HDC: variants seen among roughly 807,000 people sequenced by gnomAD.
The protein encoded by HDC is histidine decarboxylase.
In HDC, 27 loss-of-function variants were observed where a neutral mutation model predicts 64.4. The ratio of observed to expected loss-of-function variants is 0.42; its 90% CI spans 0.31 to 0.58. The LOEUF (loss-of-function observed/expected upper bound fraction) is 0.58. Among genes scored for constraint, HDC ranks in the 20% least tolerant of loss-of-function variants. The probability of loss-of-function intolerance (pLI) is 0.16; values close to 1 mark genes in which losing one functional copy is unlikely to be tolerated. For synonymous variants in HDC, 305 were observed against 314.2 expected, an observed-to-expected ratio of 0.97 and a Z score of 0.31; for missense variants, 711 against 833.9, an observed-to-expected ratio of 0.85 and a Z score of 1.81.
At position 50,251,672 on chromosome 15, in the gene HDC, G is replaced by GA. The variant is rs1365088689; in HGVS notation, c.1041+757dup. 2.6e-5 allele frequency among the ~76,000 whole-genome samples: 4 copies of GA among 152,232 alleles called. No homozygotes were observed. The South Asian group carries it at 6.2e-4, about 24-fold the overall frequency. ...ATACTGGCTGAGGATGTGGAATCAA[G>GA]AGAGTTGAGGTTTGCTGGGCGCGGT... On this transcript the variant is annotated intron_variant, in intron 9 of 11. Transcript: ENST00000267845.
At chr15:50,244,288 T>TA (rs1343874607) in intron 10 of HDC, among the ~76,000 whole-genome samples, 1 of 119,566 alleles carries the variant, frequency 8.4e-6, no homozygotes, top group East Asian at 2.4e-4. Flanking sequence ...TGAACCTCTT[T>TA]TTTTTTTTTT....
chr15:50,252,569 G>A, intron 8 of HDC, 43 bp downstream of exon 8: 1 of 1,614,076 alleles, frequency 6.2e-7, no homozygotes, highest in South Asian at 1.1e-5. Context: ...TCCAGAGGAG[G>A]CAAGGCGTTC....
At chr15:50,253,885 A>T (rs570777507) in intron 6 of HDC, 1 of 641,264 alleles carries the variant, frequency 1.6e-6, no homozygotes, top group Non-Finnish European at 2.8e-6. Context: ...TCATAAAACA[A>T]TACATACTCT....
intron 10 of HDC, among the ~76,000 whole-genome samples, chr15:50,243,562 C>T (rs909634349): frequency 6.6e-6 from 1 of 152,244 alleles, no homozygotes; most frequent in Non-Finnish European, 1.5e-5. Context: ...GATTTCACAG[C>T]TCCTTGACTG....
intron 6 of HDC, 122 bp downstream of exon 6, chr15:50,254,008 A>G: frequency 9.6e-7 from 1 of 1,040,386 alleles, no homozygotes. Flanking sequence ...GATGTGTAAA[A>G]TACTGTATGG....
chr15:50,256,511 C>A (rs1293084064), intron 4 of HDC, among the ~76,000 whole-genome samples: 1 of 152,198 alleles, frequency 6.6e-6, no homozygotes, highest in African/African-American at 2.4e-5. Context: ...ACCTCAGCAT[C>A]CCAAGTAGCT....
intron 4 of HDC, among the ~76,000 whole-genome samples, 164 bp downstream of exon 4, chr15:50,257,261 G>A (rs990803428): frequency 1.3e-5 from 2 of 152,238 alleles, no homozygotes; most frequent in Non-Finnish European, 2.9e-5. Flanking sequence ...CAGAAGCTGA[G>A]GTGGGAGTAG....
chr15:50,263,360 C>T lies in HDC; in HGVS notation c.79G>A (p.Glu27Lys). 1 of 1,614,188 alleles carries T rather than the reference C, an allele frequency of 6.2e-7. No homozygotes were observed. The highest frequency in any genetic ancestry group is 8.5e-7 in the Non-Finnish European group (1 of 1,180,026). Residue 27 changes from glutamate (E) to lysine (K), a missense_variant, in exon 2 of 12, where the codon GAG becomes AAG. By Grantham distance (56) the Glu-to-Lys change is moderately conservative. This residue lies in a region of HDC where 225 missense variants were observed against 276.2 expected (regional missense o/e 0.81). Transcript: ENST00000267845. ...YICQYLSTVR[E>K]RRVTPDVQPG... Reference sequence around the variant, plus strand: ...TGCACGTCTGGCGTCACACGTCTCTCCCGCACAGTGCTCAGGTACTGGCAG... The same window carrying T: ...TGCACGTCTGGCGTCACACGTCTCTTCCGCACAGTGCTCAGGTACTGGCAG...
At chr15:50,263,441 C>T in intron 1 of HDC, 34 bp from the exon 2 acceptor site, 1 of 1,606,268 alleles carries the variant, frequency 6.2e-7, no homozygotes, top group South Asian at 1.1e-5. Context: ...GGCTGAAATC[C>T]CCTGACTGGG....
intron 1 of HDC, 36 bp from the exon 2 acceptor site, chr15:50,263,443 C>G: frequency 3.8e-6 from 6 of 1,592,956 alleles, no homozygotes; most frequent in Non-Finnish European, 5.2e-6. Flanking sequence ...CTGAAATCCC[C>G]TGACTGGGCC....
rs371216664 is a variant in HDC, at chr15:50,242,694, C to A, written c.1555G>T (p.Ala519Ser). Residue 519 changes from alanine to serine, a missense_variant, in exon 12 of 12, where the codon GCC (alanine) becomes TCC (serine). Around this residue, in one of 3 missense-constraint regions of HDC, gnomAD observed 483 missense variants for 540.9 expected, o/e 0.89. Coordinates refer to ENST00000267845, the MANE Select transcript of HDC (RefSeq NM_002112.4). ...VSGAGDDPVQ[A>S]RKIIKQPQRV... is the part of the protein sequence containing the mutation. ...TGAGGCTGCTTGATGATCTTCCTGG[C>A]CTGGACTGGATCATCTCCTGCCCCA... 2.3e-5 allele frequency: 37 copies of A among 1,614,142 alleles called. No homozygotes were observed. Among genetic ancestry groups the A allele is most frequent in the South Asian group, 8.8e-5 (8 of 91,074 alleles).
intron 10 of HDC, among the ~76,000 whole-genome samples, chr15:50,245,401 T>G (rs1023727108): frequency 6.6e-6 from 1 of 152,008 alleles, no homozygotes; most frequent in Non-Finnish European, 1.5e-5. Context: ...ATGAGGATGA[T>G]GATGATGATG....
intron 4 of HDC, among the ~76,000 whole-genome samples, chr15:50,255,051 G>T (rs535019846): frequency 2.6e-5 from 4 of 152,306 alleles, no homozygotes; most frequent in Middle Eastern, 3.4e-3. Flanking sequence ...TGGAGTTTGA[G>T]TCCCCAGGAA....
At chr15:50,258,600 T>C in intron 2 of HDC, 83 bp from the exon 3 acceptor site, 2 of 792,832 alleles carry the variant, frequency 2.5e-6, no homozygotes, top group Non-Finnish European at 4.4e-6. Flanking sequence ...TCTGGCAAGG[T>C]GAAGTGTCAC....
At chr15:50,260,195 G>C (rs563488366) in intron 2 of HDC, among the ~76,000 whole-genome samples, 2 of 151,740 alleles carry the variant, frequency 1.3e-5, no homozygotes, top group East Asian at 3.9e-4. Context: ...CTAATTTTTT[G>C]TATTTTTAAT....
chr15:50,264,230 G>A (rs2140945103), intron 1 of HDC, among the ~76,000 whole-genome samples: 1 of 151,932 alleles, frequency 6.6e-6, no homozygotes, highest in South Asian at 2.1e-4. Flanking sequence ...ATCTTTTTTG[G>A]ACTCATATGA....
intron 1 of HDC, 93 bp from the exon 2 acceptor site, chr15:50,263,500 G>C (rs1208973859): frequency 7.9e-7 from 1 of 1,268,232 alleles, no homozygotes; most frequent in African/African-American, 1.5e-5. Flanking sequence ...AAGAGACTTG[G>C]TAAAGAAGGA....
At chr15:50,253,725 C>T in intron 6 of HDC, 59 bp from the exon 7 acceptor site, 1 of 1,390,840 alleles carries the variant, frequency 7.2e-7, no homozygotes, top group Non-Finnish European at 1.0e-6. Flanking sequence ...CACATTTGGC[C>T]TGAGAAAGAT....
rs2045401427 is a variant in HDC at position 50,242,151 on chromosome 15, C to T, written c.*109G>A. 4.3e-6 allele frequency: 4 copies of T among 925,902 alleles called. No individual in the cohort carries two copies. The highest frequency in any genetic ancestry group is 3.3e-5 in the African/African-American group (2 of 60,890). 57.4% of individuals were successfully genotyped at this position (925,902 alleles called of 1,614,324 possible). On this transcript the variant is annotated 3_prime_UTR_variant, in exon 12 of 12. Coordinates refer to ENST00000267845, the MANE Select transcript of HDC (RefSeq NM_002112.4). ...GAATTTGATTAAAATTATGAACTCGCCCCAAGAAAAATGCATGTACACATA... is the reference window on the plus strand; with the variant it reads ...GAATTTGATTAAAATTATGAACTCGTCCCAAGAAAAATGCATGTACACATA...
Sources: allele counts gnomAD v4.1 joint callset (sites outside exome capture counted in the v4.1 genomes callset), GRCh38; gene constraint gnomAD v4.1.1; regional missense constraint gnomAD v4.1.1; transcripts MANE v1.5; gene names NCBI Gene and HGNC (gene_info 2026-07-23, HGNC 2026-07-21).